DAB1: variants seen among roughly 807,000 people sequenced by gnomAD.
The protein encoded by DAB1 is DAB adaptor protein 1.
DAB1 carries 15 observed loss-of-function variants against 64.6 expected under a neutral mutation model. The ratio of observed to expected loss-of-function variants is 0.23; its 90% CI spans 0.16 to 0.36. The LOEUF (loss-of-function observed/expected upper bound fraction) is 0.36, where lower values mean the gene tolerates loss of function less well. DAB1 is among the 10% of genes least tolerant of loss of function. DAB1 has a pLI of 1.00. For synonymous variants in DAB1, 235 were observed against 251.9 expected (o/e 0.93, Z 0.64); for missense variants, 596 against 706.7 (o/e 0.84, Z 1.78).
intron 6 of DAB1, among the ~76,000 whole-genome samples, chr1:57,775,298 C>A (rs35694789): frequency 0.011 from 1,663 of 151,052 alleles, 19 homozygotes; most frequent in Non-Finnish European, 0.017. Flanking sequence ...ATTATTTTTT[C>A]TTTCAGTTAG....
At chr1:57,292,539 C>G (rs922433388) in intron 1 of DAB1, among the ~76,000 whole-genome samples, 11 of 152,146 alleles carry the variant, frequency 7.2e-5, no homozygotes, top group Non-Finnish European at 1.3e-4. Context: ...TCACCAGCAC[C>G]CACACCCTTT....
At chr1:57,338,571 A>G (rs2100819928) in intron 1 of DAB1, among the ~76,000 whole-genome samples, 1 of 152,358 alleles carries the variant, frequency 6.6e-6, no homozygotes, top group Middle Eastern at 3.4e-3. Context: ...AAATGTAGAA[A>G]TAAGCTGATA....
chr1:57,397,912 T>C (rs916939673), intron 1 of DAB1, among the ~76,000 whole-genome samples: 1 of 152,246 alleles, frequency 6.6e-6, no homozygotes, highest in African/African-American at 2.4e-5. Flanking sequence ...AATTTTACCC[T>C]GTTTAACTCA....
At chr1:58,105,933 T>C (rs1291073805) in intron 5 of DAB1, among the ~76,000 whole-genome samples, 1 of 152,190 alleles carries the variant, frequency 6.6e-6, no homozygotes, top group East Asian at 1.9e-4. Context: ...CATTTAGCAT[T>C]TATGATGGGC....
intron 5 of DAB1, among the ~76,000 whole-genome samples, chr1:58,118,469 CATATATATATATATATATATATAT>C (rs370100684): frequency 7.7e-4 from 17 of 22,036 alleles, no homozygotes; most frequent in Non-Finnish European, 9.4e-4. Context: ...TATCCTAAGG[CATATATATATATATATATATATAT>C]ATATATATAT....
In DAB1 at chr1:57,232,284, C is replaced by CTTTTTTTTT. The variant is rs74940041; in HGVS notation, c.67+58671_67+58679dup. 2.4e-4 allele frequency among the ~76,000 whole-genome samples: 20 copies of CTTTTTTTTT among 81,714 alleles called. 3 individuals carry two copies. The highest frequency in any genetic ancestry group is 5.2e-4 in the African/African-American group (11 of 21,320). The allele number at this position is 81,714 out of a possible 152,430, so 53.6% of individuals were successfully genotyped here. ...TACCACTTCTCAAAGGCAGTGGCCA[C>CTTTTTTTTT]TTTTTTTTTTTTTTTTTTTTTGCAC... On this transcript the variant is annotated intron_variant, in intron 2 of 14. Transcript: ENST00000371236.
intron 5 of DAB1, among the ~76,000 whole-genome samples, chr1:58,090,008 C>T (rs544255925): frequency 6.6e-6 from 1 of 152,168 alleles, no homozygotes; most frequent in Non-Finnish European, 1.5e-5. Context: ...AAAAGCAAGT[C>T]GGGGGCACAG....
chr1:57,392,073 A>G (rs1261278144), intron 1 of DAB1, among the ~76,000 whole-genome samples: 2 of 152,114 alleles, frequency 1.3e-5, no homozygotes, highest in African/African-American at 4.8e-5. Context: ...TTCCCTAGTC[A>G]TGTAACAAAG....
intron 4 of DAB1, among the ~76,000 whole-genome samples, chr1:58,153,636 GT>G (rs1262329195): frequency 6.6e-5 from 10 of 152,208 alleles, no homozygotes; most frequent in African/African-American, 2.4e-4. Flanking sequence ...GAGCTGTAAT[GT>G]GGGGTGATTG....
intron 5 of DAB1, among the ~76,000 whole-genome samples, chr1:58,002,298 C>T (rs1646518019): frequency 6.6e-6 from 1 of 152,134 alleles, no homozygotes; most frequent in Non-Finnish European, 1.5e-5. Context: ...ATTGGCAGGG[C>T]TCTGTGTTAT....
intron 4 of DAB1, among the ~76,000 whole-genome samples, chr1:58,177,308 C>A (rs1656539208): frequency 6.6e-6 from 1 of 152,042 alleles, no homozygotes; most frequent in African/African-American, 2.4e-5. Flanking sequence ...CAGTGCCAGG[C>A]ACAATACCTG....
intron 4 of DAB1, among the ~76,000 whole-genome samples, chr1:58,275,674 A>G (rs1661426890): frequency 6.6e-6 from 1 of 152,210 alleles, no homozygotes; most frequent in Non-Finnish European, 1.5e-5. Context: ...ACAAATTTAA[A>G]AAGAAAGAAA....
At chr1:57,244,094 C>A (rs1553160253) in intron 2 of DAB1, among the ~76,000 whole-genome samples, 2 of 152,118 alleles carry the variant, frequency 1.3e-5, no homozygotes, top group Non-Finnish European at 2.9e-5. Context: ...TATATATTCT[C>A]TTTTTGTGTA....
intron 9 of DAB1, among the ~76,000 whole-genome samples, chr1:57,051,607 G>C (rs539570953): frequency 2.6e-5 from 4 of 152,296 alleles, no homozygotes; most frequent in African/African-American, 9.6e-5. Context: ...TTTGCAGGAT[G>C]GGATGCAGGG....
At chr1:57,145,508 G>A (rs989189761) in intron 2 of DAB1, 79 bp from the exon 3 acceptor site, 24 of 1,467,520 alleles carry the variant, frequency 1.6e-5, no homozygotes, top group African/African-American at 9.8e-5. Context: ...TCCAAGATCC[G>A]CTGTCTGGTT....
chr1:57,541,180 G>C (rs1186893070), intron 7 of DAB1, among the ~76,000 whole-genome samples: 1 of 150,578 alleles, frequency 6.6e-6, no homozygotes, highest in Non-Finnish European at 1.5e-5. Flanking sequence ...CCAGGCTGGA[G>C]TGCAGTGGCA....
In DAB1 at chr1:57,686,207, A is replaced by G. The variant is rs184709447; in HGVS notation, n.552-36542T>C. ...CCAAATAAGTATAATCAGAAATGAC[A>G]AAGATGACATTACAACCAATCCCAC... is the stretch of plus-strand genomic sequence containing the variant. On this transcript the variant is annotated intron_variant and non_coding_transcript_variant, in intron 6 of 20. Coordinates refer to the DAB1 transcript ENST00000485760. Among the ~76,000 whole-genome samples the G allele has an allele frequency of 1.2e-3, 185 of 152,310 alleles. 1 individual carries two copies. Among genetic ancestry groups the G allele is most frequent in the African/African-American group, 4.1e-3 (170 of 41,574 alleles).
intron 6 of DAB1, among the ~76,000 whole-genome samples, chr1:57,794,917 CAG>C (rs1170645645): frequency 2.6e-5 from 4 of 152,178 alleles, no homozygotes; most frequent in Non-Finnish European, 5.9e-5. Flanking sequence ...ATCAAGATCT[CAG>C]GGGACTACAG....
intron 6 of DAB1, among the ~76,000 whole-genome samples, chr1:57,722,567 C>G (rs1045798864): frequency 6.6e-6 from 1 of 152,156 alleles, no homozygotes; most frequent in African/African-American, 2.4e-5. Context: ...GAGAGTGAAG[C>G]CTATTTTTAA....
Sources: gnomAD v4.1 joint callset for allele counts (sites outside exome capture counted in the v4.1 genomes callset) on GRCh38, gnomAD v4.1.1 for gene constraint, MANE v1.5 for transcripts, NCBI Gene and HGNC (gene_info 2026-07-23, HGNC 2026-07-21) for gene names.